Variants in NUGGC observed in about 807,000 individuals in gnomAD.
NUGGC encodes nuclear GTPase, germinal center associated.
Under a neutral mutation model 92.6 loss-of-function variants are expected in NUGGC, and 58 were observed. The ratio of observed to expected loss-of-function variants is 0.63; its 90% CI spans 0.51 to 0.78. The LOEUF is 0.78. Among genes scored for constraint, NUGGC ranks in the 30% least tolerant of loss-of-function variants. The pLI is 0.00. For missense variants in NUGGC, 925 were observed against 964.6 expected, an observed-to-expected ratio of 0.96 and a Z score of 0.54; for synonymous variants, 376 against 366.4, an observed-to-expected ratio of 1.03 and a Z score of -0.30.
intron 8 of NUGGC, among the ~76,000 whole-genome samples, chr8:28,059,747 T>C (rs2130205460): frequency 6.6e-6 from 1 of 151,990 alleles, no homozygotes; most frequent in Non-Finnish European, 1.5e-5. Flanking sequence ...CTGGGCTGGG[T>C]GCAGTGGCTC....
chr8:28,045,723 A>T, intron 11 of NUGGC, 63 bp from the exon 12 acceptor site: 4 of 1,551,480 alleles, frequency 2.6e-6, no homozygotes, highest in Non-Finnish European at 3.5e-6. Flanking sequence ...AATAGAATTC[A>T]TAAAAGTTGA....
chr8:28,047,962 C>T (rs1809883409), intron 10 of NUGGC, among the ~76,000 whole-genome samples: 1 of 152,234 alleles, frequency 6.6e-6, no homozygotes, highest in Admixed American at 6.5e-5. Flanking sequence ...CTGGAATAGG[C>T]AGTGATGTGC....
At chr8:28,071,813 C>T (rs1055317994) in intron 2 of NUGGC, among the ~76,000 whole-genome samples, 1 of 152,098 alleles carries the variant, frequency 6.6e-6, no homozygotes. Flanking sequence ...TGGCCTGCAC[C>T]TTAGAAAATG....
At chr8:28,030,779 G>C (rs1355200616) in intron 15 of NUGGC, among the ~76,000 whole-genome samples, 1 of 152,122 alleles carries the variant, frequency 6.6e-6, no homozygotes, top group African/African-American at 2.4e-5. Context: ...AAGAAAGTGG[G>C]TCACAGACAA....
intron 2 of NUGGC, among the ~76,000 whole-genome samples, chr8:28,071,580 G>T (rs1228838919): frequency 6.6e-6 from 1 of 152,150 alleles, no homozygotes; most frequent in Non-Finnish European, 1.5e-5. Flanking sequence ...GCAGATCTTT[G>T]TAGCTCTGCG....
intron 10 of NUGGC, among the ~76,000 whole-genome samples, chr8:28,049,706 T>G (rs892618193): frequency 6.6e-6 from 1 of 152,216 alleles, no homozygotes; most frequent in Non-Finnish European, 1.5e-5. Context: ...TTTAAACACA[T>G]GGCTTGTCAT....
chr8:28,051,308 A>T (rs1809996021), intron 10 of NUGGC, among the ~76,000 whole-genome samples: 1 of 152,190 alleles, frequency 6.6e-6, no homozygotes, highest in African/African-American at 2.4e-5. Flanking sequence ...AAGGGTTCCC[A>T]CTGGCCAAAA....
rs117276207 is a variant in NUGGC at position 28,046,069 on chromosome 8, G to T, written c.1313-409C>A. Among the ~76,000 whole-genome samples the T allele has an allele frequency of 2.5e-3, 379 of 152,144 alleles. 2 individuals are homozygous for T. The highest frequency in any genetic ancestry group is 4.5e-3 in the Non-Finnish European group (305 of 67,996). The stretch of plus-strand genomic sequence containing the variant: ...AACCCTTAACACCAGAATAGCCCAT[G>T]CTTGCTGTAGAAAGGAACAAGAACC... On this transcript the variant is annotated intron_variant, in intron 11 of 18. Transcript: ENST00000413272.
chr8:28,078,537 A>C (rs1810775356), intron 1 of NUGGC, among the ~76,000 whole-genome samples: 1 of 152,200 alleles, frequency 6.6e-6, no homozygotes, highest in South Asian at 2.1e-4. Flanking sequence ...GACTTAAGAC[A>C]AGTCGTTTTA....
At chr8:28,035,856 G>A (rs1320187726) in intron 13 of NUGGC, among the ~76,000 whole-genome samples, 2 of 152,172 alleles carry the variant, frequency 1.3e-5, no homozygotes, top group Non-Finnish European at 2.9e-5. Flanking sequence ...TACTTCTCAG[G>A]AGCATGTGAT....
At chr8:28,077,710 G>A (rs1047723099) in intron 1 of NUGGC, among the ~76,000 whole-genome samples, 8 of 152,200 alleles carry the variant, frequency 5.3e-5, no homozygotes, top group African/African-American at 1.7e-4. Context: ...AAAACAAAAT[G>A]TATGATACAA....
chr8:28,066,099 G>A (rs762194688), intron 6 of NUGGC, among the ~76,000 whole-genome samples: 1 of 152,202 alleles, frequency 6.6e-6, no homozygotes. Context: ...AATTTATGAC[G>A]CTGGGAAGGA....
intron 6 of NUGGC, among the ~76,000 whole-genome samples, chr8:28,066,934 T>G (rs13252640): frequency 0.12 from 18,465 of 149,812 alleles, 1,478 homozygotes; most frequent in South Asian, 0.25. Flanking sequence ...AGTTCTGAAC[T>G]CTGAAATCTA....
intron 9 of NUGGC, among the ~76,000 whole-genome samples, chr8:28,057,994 C>T (rs1810190827): frequency 6.6e-6 from 1 of 152,102 alleles, no homozygotes; most frequent in South Asian, 2.1e-4. Context: ...GGGTTCAAAA[C>T]CAGCCTGGCC....
intron 13 of NUGGC, among the ~76,000 whole-genome samples, chr8:28,037,306 C>T (rs2130106781): frequency 6.6e-6 from 1 of 152,298 alleles, no homozygotes; most frequent in Middle Eastern, 3.4e-3. Context: ...AGCTGACTGT[C>T]AGCCTATTCC....
At chr8:28,024,358 G>C (rs1487480494) in intron 18 of NUGGC, among the ~76,000 whole-genome samples, 2 of 152,010 alleles carry the variant, frequency 1.3e-5, no homozygotes, top group Non-Finnish European at 2.9e-5. Context: ...CCTTGGTTGG[G>C]CCTTTGTCTG....
intron 18 of NUGGC, among the ~76,000 whole-genome samples, chr8:28,024,381 T>A (rs1276568228): frequency 6.6e-6 from 1 of 152,034 alleles, no homozygotes; most frequent in Non-Finnish European, 1.5e-5. Flanking sequence ...ACATCGACTC[T>A]GCCTGGTTCT....
intron 10 of NUGGC, among the ~76,000 whole-genome samples, chr8:28,053,694 A>T (rs1362432379): frequency 6.6e-6 from 1 of 152,188 alleles, no homozygotes; most frequent in African/African-American, 2.4e-5. Context: ...ACTCATACAA[A>T]CCAATTCGGC....
chr8:28,079,152 T>G (rs1338832052), intron 1 of NUGGC, among the ~76,000 whole-genome samples: 1 of 152,232 alleles, frequency 6.6e-6, no homozygotes, highest in Non-Finnish European at 1.5e-5. Flanking sequence ...CTTCTGTTTG[T>G]GTTTGCTTAT....
Sources: allele counts gnomAD v4.1 joint callset (sites outside exome capture counted in the v4.1 genomes callset), GRCh38; gene constraint gnomAD v4.1.1; transcripts MANE v1.5; gene names NCBI Gene and HGNC (gene_info 2026-07-23, HGNC 2026-07-21).